Variants in CTBP2 observed in about 807,000 individuals in gnomAD.
CTBP2 encodes the protein C-terminal-binding protein 2.
A neutral mutation model predicts 80.3 loss-of-function variants in CTBP2; 30 were observed. The observed-to-expected ratio is 0.37, with a 90% CI of 0.28 to 0.51. The LOEUF is 0.51. Ranked by LOEUF, CTBP2 falls within the 20% of genes least tolerant of loss-of-function variation. The pLI is 0.93. For synonymous variants in CTBP2, 594 were observed against 587.4 expected (o/e 1.01, Z -0.16); for missense variants, 1,212 against 1,375.3 (o/e 0.88, Z 1.88).
chr10:125,061,100 A>C (rs1964887528), intron 2 of CTBP2, among the ~76,000 whole-genome samples: 1 of 151,954 alleles, frequency 6.6e-6, no homozygotes, highest in South Asian at 2.1e-4. Context: ...TTTTATTTTC[A>C]CTCAAAACAT....
intron 1 of CTBP2, among the ~76,000 whole-genome samples, chr10:125,131,779 T>G (rs1856231819): frequency 6.6e-6 from 1 of 152,228 alleles, no homozygotes; most frequent in South Asian, 2.1e-4. Context: ...AGGCATTCTC[T>G]GCTGGATTTT....
intron 1 of CTBP2, chr10:125,138,050 G>A (rs1458583282): frequency 6.6e-6 from 1 of 152,220 alleles, no homozygotes; most frequent in East Asian, 1.9e-4. Flanking sequence ...AGCCAGAGAT[G>A]CTCTTCTAAC....
At chr10:125,028,391 G>A (rs1016105707), upstream of CTBP2, among the ~76,000 whole-genome samples, 3 of 152,144 alleles carry the variant, frequency 2.0e-5, no homozygotes, top group East Asian at 3.9e-4. Flanking sequence ...GTGATGAAAC[G>A]TTAATCCATG....
At chr10:125,127,625 T>G (rs529317729) in intron 1 of CTBP2, among the ~76,000 whole-genome samples, 1 of 152,310 alleles carries the variant, frequency 6.6e-6, no homozygotes, top group East Asian at 1.9e-4. Flanking sequence ...TACTTCTGAC[T>G]CTTTCCAGCA....
At chr10:125,075,131 G>C (rs1260513750) in intron 2 of CTBP2, among the ~76,000 whole-genome samples, 3 of 152,184 alleles carry the variant, frequency 2.0e-5, no homozygotes, top group Admixed American at 6.5e-5. Context: ...ATCATAAAAA[G>C]CTTCTGCTCA....
chr10:125,121,329 T>C (rs1016013018), intron 1 of CTBP2, among the ~76,000 whole-genome samples: 1 of 152,216 alleles, frequency 6.6e-6, no homozygotes, highest in Non-Finnish European at 1.5e-5. Flanking sequence ...CCAAATGCTT[T>C]ACTCACACGG....
intron 3 of CTBP2, 106 bp from the exon 6 acceptor site, chr10:124,998,276 G>A (rs1172695978): frequency 7.7e-6 from 10 of 1,304,466 alleles, no homozygotes; most frequent in South Asian, 1.4e-5. Context: ...TGGCACCGGG[G>A]GAGGCCCACC....
chr10:124,994,300 C>T (rs1589918530), intron 5 of CTBP2, among the ~76,000 whole-genome samples, 169 bp downstream of exon 7: 1 of 152,320 alleles, frequency 6.6e-6, no homozygotes. Context: ...CTGGCTCAGC[C>T]CGAGGAAGGG....
intron 1 of CTBP2, among the ~76,000 whole-genome samples, chr10:125,129,874 C>T (rs781176548): frequency 6.6e-6 from 1 of 152,070 alleles, no homozygotes; most frequent in Non-Finnish European, 1.5e-5. Flanking sequence ...GTCCAGGACA[C>T]GGTCAGGGTT....
chr10:125,148,117 C>T (rs77230580), intron 1 of CTBP2, among the ~76,000 whole-genome samples: 7,942 of 152,232 alleles, frequency 0.052, 252 homozygotes, highest in African/African-American at 0.085. Flanking sequence ...TTTGCCTCTA[C>T]TAAGCTCTAG....
chr10:125,051,793 AGAT>A (rs1197289959), intron 2 of CTBP2, among the ~76,000 whole-genome samples: 1 of 152,196 alleles, frequency 6.6e-6, no homozygotes, highest in Non-Finnish European at 1.5e-5. Flanking sequence ...CCTTATTTGA[AGAT>A]AAGGTCGTTA....
At chr10:125,162,048 G>A (rs906853488), upstream of CTBP2, among the ~76,000 whole-genome samples, 3 of 152,240 alleles carry the variant, frequency 2.0e-5, no homozygotes, top group African/African-American at 4.8e-5. Flanking sequence ...TCTTCTCCCT[G>A]CGCCCCAGGG....
intron 2 of CTBP2, among the ~76,000 whole-genome samples, chr10:125,060,280 C>G (rs1412413673): frequency 6.6e-6 from 1 of 152,194 alleles, no homozygotes; most frequent in Non-Finnish European, 1.5e-5. Context: ...GCGGGTTACT[C>G]TGACTTCACT....
chr10:125,102,952 G>A (rs560793155), intron 2 of CTBP2, among the ~76,000 whole-genome samples: 1 of 152,344 alleles, frequency 6.6e-6, no homozygotes, highest in East Asian at 1.9e-4. Context: ...TGCCGCAAGA[G>A]CAGCACCCAC....
At chr10:125,161,027 AG>A (rs1432851404), upstream of CTBP2, 1 of 119,182 alleles carries the variant, frequency 8.4e-6, no homozygotes, top group Non-Finnish European at 1.8e-5. Flanking sequence ...GCGGGAGGCG[AG>A]GTGAGGGTCG....
At chr10:125,040,028 TC>T (rs1959216756) in intron 2 of CTBP2, among the ~76,000 whole-genome samples, 1 of 152,184 alleles carries the variant, frequency 6.6e-6, no homozygotes, top group Non-Finnish European at 1.5e-5. Flanking sequence ...CTCAGGAGGA[TC>T]TGAGCACTTT....
Position 125,109,026 on chromosome 10 carries a change from A to C in CTBP2, c.-102+1964T>G, listed in dbSNP as rs1851885647. 3.3e-5 allele frequency among the ~76,000 whole-genome samples: 5 copies of C among 152,358 alleles called. No homozygotes were observed. The South Asian group carries it at 8.3e-4, about 25-fold the overall frequency. On this transcript the variant is annotated intron_variant, in intron 2 of 10. Transcript: ENST00000337195. ...GTTCTGGATGCATTTGGAGAATGTT[A>C]ACTCATCTGTCTGAGAGGGAGATCA...
chr10:125,089,956 C>T (rs1000138534), intron 2 of CTBP2, among the ~76,000 whole-genome samples: 4 of 152,184 alleles, frequency 2.6e-5, no homozygotes, highest in African/African-American at 9.7e-5. Flanking sequence ...AGGCTGCACC[C>T]TTCGTGTTTG....
At chr10:125,133,255 T>C (rs950823599) in intron 1 of CTBP2, among the ~76,000 whole-genome samples, 1 of 152,134 alleles carries the variant, frequency 6.6e-6, no homozygotes, top group Non-Finnish European at 1.5e-5. Context: ...TCCATCTCAG[T>C]ATGACCTTCA....
Sources: allele counts gnomAD v4.1 joint callset (sites outside exome capture counted in the v4.1 genomes callset), GRCh38; gene constraint gnomAD v4.1.1; transcripts MANE v1.5; gene names NCBI Gene and HGNC (gene_info 2026-07-23, HGNC 2026-07-21).